ATM: variants seen among roughly 807,000 people sequenced by gnomAD.
ATM encodes ATM serine/threonine kinase.
ATM carries 308 observed loss-of-function variants against 387.0 expected under a neutral mutation model. The observed-to-expected ratio is 0.80, with a 90% CI of 0.73 to 0.87. The LOEUF (loss-of-function observed/expected upper bound fraction) is 0.87. ATM is among the 40% of genes least tolerant of loss of function. The pLI is 0.00. For missense variants in ATM, 3,312 were observed against 3,560.9 expected (o/e 0.93, Z 1.78); for synonymous variants, 1,156 against 1,187.3 (o/e 0.97, Z 0.54).
At chr11:108,358,228 G>C (rs1162239328) in intron 61 of ATM, among the ~76,000 whole-genome samples, 1 of 151,274 alleles carries the variant, frequency 6.6e-6, no homozygotes, top group Non-Finnish European at 1.5e-5. Flanking sequence ...AATGAAGCGA[G>C]AAGGGAAGTT....
At position 108,227,207 on chromosome 11, in the gene ATM, G is replaced by A. The variant is rs1046619886; in HGVS notation, c.-30-388G>A. The A allele has an allele frequency of 7.1e-5, 12 of 168,150 alleles. No homozygotes were observed. In the East Asian group the frequency reaches 1.7e-3, roughly 24 times the overall value. 10.4% of individuals were successfully genotyped at this position (168,150 alleles called of 1,614,324 possible). The stretch of plus-strand genomic sequence containing the variant: ...TTTTTGTATTTTTAGTAGAGACAGG[G>A]TTTCACCATGTTGGTCAGGCTGGTC... On this transcript the variant is annotated intron_variant, in intron 1 of 62. Coordinates refer to ENST00000675843, the MANE Select transcript of ATM (RefSeq NM_000051.4).
chr11:108,322,944 TAA>T (rs2085340944), intron 45 of ATM, among the ~76,000 whole-genome samples: 1 of 151,958 alleles, frequency 6.6e-6, no homozygotes, highest in Admixed American at 6.6e-5. Context: ...GATGACAAAG[TAA>T]AGTGTTTTGG....
Position 108,327,015 on chromosome 11 carries a change from A to T in ATM, c.6976-630A>T, listed in dbSNP as rs534011980. 2.6e-5 allele frequency among the ~76,000 whole-genome samples: 4 copies of T among 152,116 alleles called. No individual in the cohort carries two copies. The South Asian group carries it at 8.3e-4, about 32-fold the overall frequency. Reference sequence around the variant, plus strand: ...TAATTTTTTTGTATTTTTAGTAGAGATGGGGTTTCACCATGTTGGCAAGAC... The same window carrying T: ...TAATTTTTTTGTATTTTTAGTAGAGTTGGGGTTTCACCATGTTGGCAAGAC... On this transcript the variant is annotated intron_variant, in intron 47 of 62. Transcript: ENST00000675843.
chr11:108,345,183 C>T (rs1045367116), intron 57 of ATM, among the ~76,000 whole-genome samples: 1 of 152,126 alleles, frequency 6.6e-6, no homozygotes, highest in Non-Finnish European at 1.5e-5. Context: ...GCTGAATGGG[C>T]AGCTTGAGAA....
chr11:108,316,175 T>A (rs1257038863), intron 42 of ATM, 62 bp downstream of exon 42: 1 of 1,423,666 alleles, frequency 7.0e-7, no homozygotes, highest in Non-Finnish European at 9.9e-7. Flanking sequence ...TATTTCAGTA[T>A]GTTGGTGGAT....
chr11:108,289,173 A>C (rs1591661268), intron 28 of ATM, 70 bp downstream of exon 28: 13 of 1,443,222 alleles, frequency 9.0e-6, no homozygotes, highest in Non-Finnish European at 1.2e-5. Context: ...TTGTAAATAC[A>C]TCTTAAAGAG....
chr11:108,295,028 T>C lies in ATM; in HGVS notation c.4878T>C (p.Asp1626=), dbSNP rs755687834. Residue 1626 remains aspartate (D), a synonymous_variant, in exon 32 of 63, where the codon GAT becomes GAC. Transcript: ENST00000675843. ...GAAGACAACTGGAACTACATAAAGATCAGATGGTGGACATTATGAGAGCTT... is the reference window on the plus strand; with the variant it reads ...GAAGACAACTGGAACTACATAAAGACCAGATGGTGGACATTATGAGAGCTT... ...DLRRQLELHK[D]QMVDIMRASQ... The C allele has an allele frequency of 3.7e-6, 6 of 1,613,822 alleles. No individual in the cohort carries two copies. The Admixed American group carries it at 1.0e-4, about 27-fold the overall frequency.
chr11:108,232,473 G>C (rs2079058798), intron 4 of ATM, among the ~76,000 whole-genome samples: 1 of 139,184 alleles, frequency 7.2e-6, no homozygotes, highest in South Asian at 2.5e-4. Context: ...TAGTAAAAAA[G>C]AAGTAAAAGG....
At chr11:108,331,185 A>C in intron 50 of ATM, 2 of 1,162,638 alleles carry the variant, frequency 1.7e-6, no homozygotes, top group Non-Finnish European at 2.1e-6. Context: ...TTGGAATATA[A>C]ACAGTACCAA....
At position 108,275,496 on chromosome 11, in the gene ATM, G is replaced by C. The variant is rs1005249518; in HGVS notation, c.3284+2644G>C. On this transcript the variant is annotated intron_variant, in intron 22 of 62. Transcript: ENST00000675843. ...ATTTGGTATGTTTTTGCAGTGGCTGGTACCAGCTTTGCCTTTCCATATTTA... is the reference window on the plus strand; with the variant it reads ...ATTTGGTATGTTTTTGCAGTGGCTGCTACCAGCTTTGCCTTTCCATATTTA... Among the ~76,000 whole-genome samples the C allele has an allele frequency of 2.0e-5, 3 of 152,168 alleles. No individual in the cohort carries two copies. In the East Asian group the frequency reaches 5.8e-4, roughly 29 times the overall value.
intron 26 of ATM, 38 bp from the exon 27 acceptor site, chr11:108,287,562 T>A: frequency 7.4e-7 from 1 of 1,354,876 alleles, no homozygotes; most frequent in Non-Finnish European, 1.0e-6. Flanking sequence ...TTCACAGATA[T>A]AAAATATTAA....
chr11:108,250,171 G>A (rs1173300567), intron 9 of ATM, among the ~76,000 whole-genome samples: 1 of 150,872 alleles, frequency 6.6e-6, no homozygotes, highest in African/African-American at 2.4e-5. Context: ...TATATTTTCT[G>A]AGACGGAGGC....
At chr11:108,332,651 C>A in intron 52 of ATM, 111 bp from the exon 53 acceptor site, 1 of 1,153,688 alleles carries the variant, frequency 8.7e-7, no homozygotes, top group Non-Finnish European at 1.2e-6. Context: ...TATAATCATT[C>A]CATTGTCTAG....
intron 50 of ATM, 97 bp downstream of exon 50, chr11:108,330,518 A>G: frequency 7.9e-7 from 1 of 1,257,974 alleles, no homozygotes. Context: ...TTGTATTCCT[A>G]GCACTTGGTC....
intron 58 of ATM, 25 bp from the exon 59 acceptor site, chr11:108,347,254 G>A: frequency 6.6e-7 from 1 of 1,506,646 alleles, no homozygotes; most frequent in South Asian, 1.1e-5. Context: ...AGTGATTTCA[G>A]ATTGTTTGTT....
chr11:108,266,550 G>A (rs1202590246), intron 16 of ATM, among the ~76,000 whole-genome samples: 2 of 151,026 alleles, frequency 1.3e-5, no homozygotes, highest in Non-Finnish European at 2.9e-5. Context: ...ACGAGTTAGT[G>A]GGTGCAGCAC....
chr11:108,318,053 A>G (rs990491661), intron 43 of ATM, among the ~76,000 whole-genome samples: 8 of 152,000 alleles, frequency 5.3e-5, no homozygotes, highest in Non-Finnish European at 1.0e-4. Flanking sequence ...TATTTATGAA[A>G]TATTTTCTTT....
intron 56 of ATM, among the ~76,000 whole-genome samples, chr11:108,341,606 A>C (rs2087589226): frequency 6.6e-6 from 1 of 152,212 alleles, no homozygotes; most frequent in African/African-American, 2.4e-5. Context: ...CTTAAAATTT[A>C]AAAATGTATA....
At chr11:108,328,758 A>C (rs1465736753) in intron 48 of ATM, among the ~76,000 whole-genome samples, 1 of 152,204 alleles carries the variant, frequency 6.6e-6, no homozygotes, top group African/African-American at 2.4e-5. Flanking sequence ...AATGATAGCT[A>C]ATGAGCTTAA....
Sources: allele counts gnomAD v4.1 joint callset (sites outside exome capture counted in the v4.1 genomes callset), GRCh38; gene constraint gnomAD v4.1.1; transcripts MANE v1.5; gene names NCBI Gene and HGNC (gene_info 2026-07-23, HGNC 2026-07-21).